Variants in PLEKHG1 observed in about 807,000 individuals in gnomAD.
PLEKHG1 encodes pleckstrin homology and RhoGEF domain containing G1.
In PLEKHG1, 44 loss-of-function variants were observed where a neutral mutation model predicts 100.8. The observed-to-expected ratio is 0.44, with a 90% confidence interval of 0.34 to 0.56. The LOEUF (loss-of-function observed/expected upper bound fraction) is 0.56. Ranked by LOEUF, PLEKHG1 falls within the 20% of genes least tolerant of loss-of-function variation. The pLI is 0.01. For missense variants in PLEKHG1, 1,545 were observed against 1,720.9 expected (o/e 0.90, Z 1.81); for synonymous variants, 640 against 662.5 (o/e 0.97, Z 0.52).
chr6:150,626,366 G>A (rs1486653429), intron 1 of PLEKHG1, among the ~76,000 whole-genome samples: 1 of 152,180 alleles, frequency 6.6e-6, no homozygotes, highest in Non-Finnish European at 1.5e-5. Flanking sequence ...CTTCAGTGTG[G>A]TCTCTCCTGA....
intron 13 of PLEKHG1, among the ~76,000 whole-genome samples, chr6:150,822,895 G>A (rs765109398): frequency 2.0e-5 from 3 of 152,146 alleles, no homozygotes; most frequent in African/African-American, 4.8e-5. Context: ...CACAAGAATC[G>A]CTTGAACCCG....
intron 4 of PLEKHG1, among the ~76,000 whole-genome samples, chr6:150,794,834 T>C (rs1475024903): frequency 6.6e-6 from 1 of 152,136 alleles, no homozygotes; most frequent in Admixed American, 6.5e-5. Context: ...GGATTTATTA[T>C]ACCATCCTCT....
At chr6:150,613,298 C>A (rs1776927569) in intron 1 of PLEKHG1, among the ~76,000 whole-genome samples, 1 of 152,218 alleles carries the variant, frequency 6.6e-6, no homozygotes, top group Non-Finnish European at 1.5e-5. Flanking sequence ...ACGCCTGCAC[C>A]TTGCAAGTCA....
intron 3 of PLEKHG1, among the ~76,000 whole-genome samples, chr6:150,784,006 G>A (rs73020866): frequency 0.014 from 2,129 of 152,180 alleles, 24 homozygotes; most frequent in Non-Finnish European, 0.021. Flanking sequence ...GATATCACAC[G>A]TCATGTAGCC....
At chr6:150,629,444 G>C (rs561367049) in intron 1 of PLEKHG1, among the ~76,000 whole-genome samples, 1 of 151,914 alleles carries the variant, frequency 6.6e-6, no homozygotes, top group East Asian at 1.9e-4. Context: ...CAAAGGAAAG[G>C]ACAAAACCAA....
intron 2 of PLEKHG1, among the ~76,000 whole-genome samples, chr6:150,750,071 CA>C (rs1303835261): frequency 3.8e-5 from 5 of 129,890 alleles, no homozygotes; most frequent in East Asian, 2.2e-4. Context: ...GACTCTGTCT[CA>C]AAAAAAAAAG....
chr6:150,756,808 A>G (rs986001460), intron 2 of PLEKHG1, among the ~76,000 whole-genome samples: 1 of 152,152 alleles, frequency 6.6e-6, no homozygotes, highest in African/African-American at 2.4e-5. Context: ...CTTGTTATCC[A>G]CCAAATGAAC....
At chr6:150,823,138 A>T (rs1256274458) in intron 13 of PLEKHG1, among the ~76,000 whole-genome samples, 1 of 152,174 alleles carries the variant, frequency 6.6e-6, no homozygotes, top group African/African-American at 2.4e-5. Context: ...TCATCTTTAA[A>T]GGGGAGACAC....
At chr6:150,661,301 A>G (rs1779180863) in intron 3 of PLEKHG1, among the ~76,000 whole-genome samples, 1 of 152,232 alleles carries the variant, frequency 6.6e-6, no homozygotes, top group Non-Finnish European at 1.5e-5. Context: ...GAATATTTGA[A>G]CCTTCAGGAT....
At chr6:150,726,425 C>T (rs1355021717) in intron 1 of PLEKHG1, among the ~76,000 whole-genome samples, 3 of 152,120 alleles carry the variant, frequency 2.0e-5, no homozygotes, top group Non-Finnish European at 4.4e-5. Flanking sequence ...TCTATTTAAT[C>T]ATACCCCAAT....
chr6:150,814,615 A>T (rs1787746075), intron 10 of PLEKHG1, among the ~76,000 whole-genome samples: 1 of 151,962 alleles, frequency 6.6e-6, no homozygotes, highest in Admixed American at 6.6e-5. Context: ...GCCCAAGTTT[A>T]TATAACTAGT....
intron 4 of PLEKHG1, among the ~76,000 whole-genome samples, chr6:150,790,461 G>C (rs1376975340): frequency 6.6e-6 from 1 of 152,204 alleles, no homozygotes; most frequent in Non-Finnish European, 1.5e-5. Context: ...ACTCATAACT[G>C]TAGGAAAAGA....
At chr6:150,608,190 G>A (rs1458486171) in intron 1 of PLEKHG1, among the ~76,000 whole-genome samples, 1 of 152,162 alleles carries the variant, frequency 6.6e-6, no homozygotes, top group Non-Finnish European at 1.5e-5. Context: ...CTTCTAAAAA[G>A]CATCCTTATT....
Position 150,603,100 on chromosome 6 carries a change from AAAAG to A in PLEKHG1, c.-204+3087_-204+3090del, listed in dbSNP as rs1365391856. Among the ~76,000 whole-genome samples the A allele has an allele frequency of 4.8e-3, 730 of 150,938 alleles. 8 individuals carry two copies. The highest frequency in any genetic ancestry group is 0.017 in the African/African-American group (685 of 41,294). On this transcript the variant is annotated intron_variant, in intron 1 of 3. Coordinates refer to the PLEKHG1 transcript ENST00000367326. The stretch of plus-strand genomic sequence containing the variant: ...GTCTCAAAAAAAAAAAAAATAAAAA[AAAAG>A]AAAAGAAAAAATTATAATCCCTTGT...
intron 1 of PLEKHG1, among the ~76,000 whole-genome samples, chr6:150,603,048 C>G (rs1273556969): frequency 1.6e-5 from 2 of 126,358 alleles, no homozygotes; most frequent in African/African-American, 5.8e-5. Context: ...CGCCACTGCA[C>G]TCCAACCTGG....
At chr6:150,833,602 T>C (rs1163703773) in intron 15 of PLEKHG1, among the ~76,000 whole-genome samples, 1 of 152,166 alleles carries the variant, frequency 6.6e-6, no homozygotes, top group Non-Finnish European at 1.5e-5. Flanking sequence ...AAGCCCCTGA[T>C]TGTCATAGAA....
rs1023672068 is a variant in PLEKHG1 at position 150,809,216 on chromosome 6, T to C, written c.1024T>C (p.Phe342Leu). 1.2e-6 allele frequency: 2 copies of C among 1,614,206 alleles called. No individual in the cohort carries two copies. Among genetic ancestry groups the C allele is most frequent in the Non-Finnish European group, 1.7e-6 (2 of 1,180,010 alleles). Residue 342 changes from phenylalanine to leucine, a missense_variant, in exon 8 of 16, where the codon TTC becomes CTC. Phe to Leu is a conservative substitution (Grantham distance 22, BLOSUM62 0). Transcript: ENST00000358517. ...GCGAGCCAAGAATGAGCGGACGCTCTTCCTCTTCGACAAGCTGCTGCTCAT... is the reference window on the plus strand; with the variant it reads ...GCGAGCCAAGAATGAGCGGACGCTCCTCCTCTTCGACAAGCTGCTGCTCAT...
chr6:150,722,586 T>A (rs1029943969), intron 1 of PLEKHG1, among the ~76,000 whole-genome samples: 1 of 152,110 alleles, frequency 6.6e-6, no homozygotes, highest in East Asian at 1.9e-4. Flanking sequence ...ACTCCTGACC[T>A]TGTGATCCGC....
intron 15 of PLEKHG1, among the ~76,000 whole-genome samples, chr6:150,838,780 G>T (rs1777362554): frequency 6.6e-6 from 1 of 152,204 alleles, no homozygotes; most frequent in East Asian, 1.9e-4. Flanking sequence ...TCCTATTCTT[G>T]AACCAGTAGT....
Sources: allele counts gnomAD v4.1 joint callset (sites outside exome capture counted in the v4.1 genomes callset), GRCh38; gene constraint gnomAD v4.1.1; transcripts MANE v1.5; gene names NCBI Gene and HGNC (gene_info 2026-07-23, HGNC 2026-07-21).